CDYL2: variants seen among roughly 807,000 people sequenced by gnomAD.
CDYL2 encodes the protein chromodomain Y like 2.
In CDYL2, 23 loss-of-function variants were observed where a neutral mutation model predicts 49.4. The observed-to-expected ratio is 0.47, with a 90% CI of 0.34 to 0.66. The LOEUF (loss-of-function observed/expected upper bound fraction) is 0.66, where lower values mean the gene tolerates loss of function less well. Among genes scored for constraint, CDYL2 ranks in the 30% least tolerant of loss-of-function variants. The probability of loss-of-function intolerance (pLI) is 0.01; values close to 1 mark genes in which losing one functional copy is unlikely to be tolerated. For synonymous variants in CDYL2, 360 were observed against 268.8 expected (o/e 1.34, Z -3.32); for missense variants, 678 against 656.4 (o/e 1.03, Z -0.36).
At chr16:80,793,590 T>A (rs1907676385) in intron 1 of CDYL2, among the ~76,000 whole-genome samples, 1 of 152,162 alleles carries the variant, frequency 6.6e-6, no homozygotes, top group Non-Finnish European at 1.5e-5. Flanking sequence ...AAGCTACAGG[T>A]CCAGCAAAGT....
At chr16:80,739,590 G>A (rs74030410) in intron 1 of CDYL2, among the ~76,000 whole-genome samples, 3,578 of 152,220 alleles carry the variant, frequency 0.024, 146 homozygotes, top group African/African-American at 0.083. Context: ...TCCCAGGATA[G>A]CACCCAGCAC....
At chr16:80,731,737 C>A (rs1339330376) in intron 1 of CDYL2, among the ~76,000 whole-genome samples, 1 of 152,138 alleles carries the variant, frequency 6.6e-6, no homozygotes, top group East Asian at 1.9e-4. Context: ...TTAGCCAAAT[C>A]ATCAATCAGA....
At chr16:80,791,792 TTA>T (rs924613273) in intron 1 of CDYL2, among the ~76,000 whole-genome samples, 53 of 152,136 alleles carry the variant, frequency 3.5e-4, no homozygotes, top group African/African-American at 1.3e-3. Context: ...CACAAAAAGC[TTA>T]TATATCACTT....
intron 1 of CDYL2, among the ~76,000 whole-genome samples, chr16:80,729,122 G>C (rs1262859804): frequency 1.3e-5 from 2 of 152,166 alleles, no homozygotes; most frequent in East Asian, 3.9e-4. Flanking sequence ...AATGTAAATG[G>C]ACTAAATGCT....
At chr16:80,639,589 C>A in intron 2 of CDYL2, 1 of 438,108 alleles carries the variant, frequency 2.3e-6, no homozygotes, top group Non-Finnish European at 4.5e-6. Flanking sequence ...ACCCTCCCCC[C>A]TGCAAGGACA....
At chr16:80,641,032 G>C (rs1040485905) in intron 2 of CDYL2, among the ~76,000 whole-genome samples, 9 of 152,182 alleles carry the variant, frequency 5.9e-5, no homozygotes, top group Non-Finnish European at 1.3e-4. Context: ...GGAGTGGAAA[G>C]TTTATTCAAA....
Position 80,688,412 on chromosome 16 carries a change from TATAATAA to T in CDYL2, c.25-3290_25-3284del, listed in dbSNP as rs57380103. 6.8e-3 allele frequency among the ~76,000 whole-genome samples: 1,036 copies of T among 152,250 alleles called. 15 individuals are homozygous for T. The highest frequency in any genetic ancestry group is 0.023 in the African/African-American group (975 of 41,528). On this transcript the variant is annotated intron_variant, in intron 1 of 6. Coordinates refer to ENST00000570137, the MANE Select transcript of CDYL2 (RefSeq NM_152342.4). ...CCTTGGTGTCCCCATCGGTAAAATA[TATAATAA>T]TAAAGAAAAACTGAAAGAATTAAGA...
At chr16:80,770,923 A>G (rs563763868) in intron 1 of CDYL2, among the ~76,000 whole-genome samples, 1 of 152,354 alleles carries the variant, frequency 6.6e-6, no homozygotes, top group Non-Finnish European at 1.5e-5. Context: ...ATCCAGAATC[A>G]GAGCCACTGG....
intron 1 of CDYL2, among the ~76,000 whole-genome samples, chr16:80,708,097 T>A (rs910012361): frequency 6.6e-6 from 1 of 152,096 alleles, no homozygotes; most frequent in South Asian, 2.1e-4. Flanking sequence ...ATGGTAGGTC[T>A]AAGGAAAAAT....
intron 1 of CDYL2, among the ~76,000 whole-genome samples, chr16:80,716,963 T>C (rs1458348289): frequency 6.7e-6 from 1 of 150,302 alleles, no homozygotes; most frequent in African/African-American, 2.5e-5. Flanking sequence ...GATGGGCAGA[T>C]GGATGAGTGG....
intron 2 of CDYL2, among the ~76,000 whole-genome samples, chr16:80,673,082 C>T (rs1909596924): frequency 6.6e-6 from 1 of 152,248 alleles, no homozygotes; most frequent in East Asian, 1.9e-4. Flanking sequence ...CTTTGGGAGG[C>T]CGAGGTGGGT....
At chr16:80,659,897 C>G (rs72806148) in intron 2 of CDYL2, among the ~76,000 whole-genome samples, 4,214 of 151,772 alleles carry the variant, frequency 0.028, 78 homozygotes, top group Middle Eastern at 0.037. Flanking sequence ...GCAGGACACA[C>G]AGACAAATAA....
chr16:80,630,676 C>G (rs934576116), intron 3 of CDYL2, among the ~76,000 whole-genome samples: 1 of 152,092 alleles, frequency 6.6e-6, no homozygotes, highest in Admixed American at 6.6e-5. Flanking sequence ...AAACACCATG[C>G]TCAGAGAAGG....
intron 2 of CDYL2, among the ~76,000 whole-genome samples, chr16:80,657,741 G>C (rs958521577): frequency 3.3e-5 from 5 of 152,194 alleles, no homozygotes; most frequent in East Asian, 3.9e-4. Context: ...AAATTTGGCA[G>C]TATCTGACAA....
At chr16:80,701,666 G>A (rs930942916) in intron 1 of CDYL2, among the ~76,000 whole-genome samples, 4 of 152,220 alleles carry the variant, frequency 2.6e-5, no homozygotes, top group South Asian at 2.1e-4. Context: ...GAATGGAGCT[G>A]TATGTACCAT....
chr16:80,665,905 A>C (rs1388253033), intron 2 of CDYL2, among the ~76,000 whole-genome samples: 1 of 151,794 alleles, frequency 6.6e-6, no homozygotes, highest in Non-Finnish European at 1.5e-5. Flanking sequence ...GTCCCTCTTG[A>C]TTTCGCCTTG....
intron 1 of CDYL2, among the ~76,000 whole-genome samples, chr16:80,716,741 G>A (rs1410820164): frequency 1.3e-5 from 2 of 152,086 alleles, no homozygotes; most frequent in Non-Finnish European, 2.9e-5. Context: ...TGGATGGATC[G>A]ATGGATGGAT....
chr16:80,619,421 C>G (rs1906976092), intron 4 of CDYL2, among the ~76,000 whole-genome samples: 1 of 152,240 alleles, frequency 6.6e-6, no homozygotes, highest in Admixed American at 6.5e-5. Context: ...CCAGGTTTCC[C>G]TGGACTTCTG....
intron 1 of CDYL2, among the ~76,000 whole-genome samples, chr16:80,734,211 T>A (rs1905432063): frequency 6.6e-6 from 1 of 152,186 alleles, no homozygotes. Context: ...AGACTTTATT[T>A]GGCCAATATA....
Sources: gnomAD v4.1 joint callset for allele counts (sites outside exome capture counted in the v4.1 genomes callset) on GRCh38, gnomAD v4.1.1 for gene constraint, MANE v1.5 for transcripts, NCBI Gene and HGNC (gene_info 2026-07-23, HGNC 2026-07-21) for gene names.